The following KAZN variants were observed in gnomAD, a reference collection of about 807,000 sequenced individuals.
KAZN encodes the protein kazrin.
In KAZN, 40 loss-of-function variants were observed where a neutral mutation model predicts 87.4. The observed-to-expected ratio is 0.46, with a 90% CI of 0.36 to 0.60. KAZN has a LOEUF of 0.60. Among genes scored for constraint, KAZN ranks in the 20% least tolerant of loss-of-function variants. KAZN has a pLI of 0.00. For synonymous variants in KAZN, 466 were observed against 458.3 expected (o/e 1.02, Z -0.22); for missense variants, 898 against 1,073.9 (o/e 0.84, Z 2.29).
rs1045504433 is a variant in KAZN at position 14,210,706 on chromosome 1, T to C, written c.249+30114T>C. ...AACTGAAGCATTTTTGAAATGTTTA[T>C]TTATTTTAAAACAATAATAATAAAC... On this transcript the variant is annotated intron_variant, in intron 2 of 16. Coordinates refer to the KAZN transcript ENST00000636203. Among the ~76,000 whole-genome samples, 16 of 152,310 alleles carry C rather than the reference T, an allele frequency of 1.1e-4. 1 individual carries two copies. Among genetic ancestry groups the C allele is most frequent in the Non-Finnish European group, 4.4e-5 (3 of 68,014 alleles).
chr1:15,075,695 C>T (rs1639707200), intron 8 of KAZN, among the ~76,000 whole-genome samples: 1 of 152,220 alleles, frequency 6.6e-6, no homozygotes, highest in Admixed American at 6.5e-5. Flanking sequence ...CCCTCTATCT[C>T]AGCATCCACT....
rs930482029 is a variant in KAZN at position 15,081,421 on chromosome 1, G to C, written c.1223-12759G>C. ...TTGCTAGGGACTAGAGATGTCTAGG[G>C]AGCAAAACCAGGCCCAGCGCCTGCT... is the stretch of plus-strand genomic sequence containing the variant. On this transcript the variant is annotated intron_variant, in intron 8 of 14. Transcript: ENST00000376030. This position sits in a 1 kb window ranked among gnomAD's most constrained non-coding sequence, Gnocchi z 4.1. 2.0e-5 allele frequency among the ~76,000 whole-genome samples: 3 copies of C among 152,222 alleles called. No individual in the cohort carries two copies. The highest frequency in any genetic ancestry group is 7.2e-5 in the African/African-American group (3 of 41,456).
At chr1:14,414,964 T>C (rs1250976941) in intron 2 of KAZN, among the ~76,000 whole-genome samples, 1 of 152,046 alleles carries the variant, frequency 6.6e-6, no homozygotes, top group Non-Finnish European at 1.5e-5. Flanking sequence ...AGGTAGAAGT[T>C]GTAGTGAGCC....
intron 2 of KAZN, among the ~76,000 whole-genome samples, chr1:14,209,916 C>A (rs1646818653): frequency 6.6e-6 from 1 of 152,116 alleles, no homozygotes; most frequent in Non-Finnish European, 1.5e-5. Flanking sequence ...GTTTGTGGGG[C>A]CTGGAACTGT....
At chr1:14,827,637 G>T (rs751739463) in intron 1 of KAZN, among the ~76,000 whole-genome samples, 2 of 152,248 alleles carry the variant, frequency 1.3e-5, no homozygotes, top group Non-Finnish European at 2.9e-5. Context: ...GTGGGTCCCA[G>T]AGAGGAGCCC....
Position 14,365,483 on chromosome 1 carries a change from C to T in KAZN, c.249+184891C>T, listed in dbSNP as rs142676312. Among the ~76,000 whole-genome samples the T allele has an allele frequency of 4.6e-3, 701 of 151,568 alleles. 4 individuals carry two copies. Among genetic ancestry groups the T allele is most frequent in the Non-Finnish European group, 7.4e-3 (500 of 67,968 alleles). ...CTGCAATGATTCTATTTCCAAATAA[C>T]GTCATACACTGAGACCCTGGGGGTT... On this transcript the variant is annotated intron_variant, in intron 2 of 16. Transcript: ENST00000636203.
chr1:14,884,996 G>A (rs1213405156), intron 1 of KAZN, among the ~76,000 whole-genome samples: 2 of 152,214 alleles, frequency 1.3e-5, no homozygotes, highest in Admixed American at 6.5e-5. Flanking sequence ...TGTGCTCACC[G>A]AGGGAGTCCA....
At chr1:15,055,200 G>T (rs1234533587) in intron 4 of KAZN, among the ~76,000 whole-genome samples, 1 of 152,210 alleles carries the variant, frequency 6.6e-6, no homozygotes. Flanking sequence ...CCTGGGGCCG[G>T]GCGCAGTGGC....
chr1:15,053,232 C>T (rs567090407), intron 4 of KAZN, among the ~76,000 whole-genome samples: 3 of 152,326 alleles, frequency 2.0e-5, no homozygotes, highest in South Asian at 4.1e-4. Context: ...GCTGTGTGCA[C>T]GCACACCTGG....
intron 3 of KAZN, among the ~76,000 whole-genome samples, chr1:15,039,072 C>A (rs1419101680): frequency 1.3e-5 from 2 of 149,518 alleles, no homozygotes; most frequent in Non-Finnish European, 3.0e-5. Context: ...CTATTACCAA[C>A]AGCAGACGTT....
At chr1:14,875,381 A>G (rs1261087321) in intron 1 of KAZN, among the ~76,000 whole-genome samples, 3 of 140,216 alleles carry the variant, frequency 2.1e-5, no homozygotes, top group African/African-American at 2.7e-5. Context: ...TGTAAATGTT[A>G]TTTATCTTTT....
intron 1 of KAZN, among the ~76,000 whole-genome samples, chr1:14,908,597 C>G (rs1171838296): frequency 6.6e-6 from 1 of 152,030 alleles, no homozygotes; most frequent in East Asian, 1.9e-4. Flanking sequence ...AGGCATGTGA[C>G]TCCCAGCTAC....
chr1:14,936,854 T>G (rs554560503), intron 1 of KAZN, among the ~76,000 whole-genome samples: 79 of 152,264 alleles, frequency 5.2e-4, no homozygotes, highest in African/African-American at 1.9e-3. Context: ...CAGCACCTGC[T>G]CTGTTCTCGG....
chr1:13,920,718 C>G (rs913522353), intron 1 of KAZN, among the ~76,000 whole-genome samples: 2 of 151,818 alleles, frequency 1.3e-5, no homozygotes, highest in Non-Finnish European at 2.9e-5. Flanking sequence ...TGGGATGTCT[C>G]TGGTTGGAGG....
intron 2 of KAZN, among the ~76,000 whole-genome samples, chr1:14,529,058 C>T (rs568927367): frequency 3.2e-4 from 49 of 152,256 alleles, no homozygotes; most frequent in African/African-American, 1.2e-3. Context: ...AATCCCAGCA[C>T]TTTGGGAGGC....
chr1:14,878,304 C>G (rs1011407632), intron 1 of KAZN, among the ~76,000 whole-genome samples: 6 of 151,328 alleles, frequency 4.0e-5, no homozygotes, highest in Non-Finnish European at 7.4e-5. Context: ...ATTAACAGTT[C>G]TTTGGGGGGG....
intron 2 of KAZN, among the ~76,000 whole-genome samples, chr1:14,993,939 T>C (rs1225181974): frequency 5.3e-5 from 8 of 152,164 alleles, no homozygotes. Context: ...TGCAGGCTTG[T>C]GGAAGGGAGA....
chr1:14,401,988 A>C (rs1663448251), intron 2 of KAZN, among the ~76,000 whole-genome samples: 1 of 152,008 alleles, frequency 6.6e-6, no homozygotes, highest in South Asian at 2.1e-4. Flanking sequence ...ATTATATTTC[A>C]ATTTTTTTGT....
intron 2 of KAZN, among the ~76,000 whole-genome samples, chr1:14,416,899 G>T (rs543435530): frequency 1.6e-4 from 25 of 151,920 alleles, no homozygotes; most frequent in Non-Finnish European, 3.1e-4. Flanking sequence ...AGACCAGCCT[G>T]GGCAACATAA....
Sources: gnomAD v4.1 joint callset for allele counts (sites outside exome capture counted in the v4.1 genomes callset) on GRCh38, gnomAD v4.1.1 for gene constraint, Gnocchi (gnomAD v3.1) non-coding constraint, MANE v1.5 for transcripts, NCBI Gene and HGNC (gene_info 2026-07-23, HGNC 2026-07-21) for gene names.